BTRC: variants seen among roughly 807,000 people sequenced by gnomAD.
BTRC encodes beta-transducin repeat containing E3 ubiquitin protein ligase.
BTRC carries 42 observed loss-of-function variants against 85.5 expected under a neutral mutation model. The observed-to-expected ratio is 0.49, with a 90% CI of 0.38 to 0.64. BTRC has a LOEUF of 0.64. BTRC is among the 30% of genes least tolerant of loss of function. BTRC has a pLI of 0.00. For synonymous variants in BTRC, 255 were observed against 263.3 expected (o/e 0.97, Z 0.30); for missense variants, 594 against 743.5 (o/e 0.80, Z 2.34).
At chr10:101,426,415 T>C (rs1944253426) in intron 1 of BTRC, among the ~76,000 whole-genome samples, 1 of 152,360 alleles carries the variant, frequency 6.6e-6, no homozygotes, top group African/African-American at 2.4e-5. Flanking sequence ...GTGTGGTGTT[T>C]GCAAATTAAT....
In BTRC at chr10:101,521,051, T is replaced by G. The variant is rs376118354; in HGVS notation, c.325-588T>G. On this transcript the variant is annotated intron_variant, in intron 4 of 14. Coordinates refer to ENST00000370187, the MANE Select transcript of BTRC (RefSeq NM_033637.4). ...GGAAAGCCAAGGCAGGAAAATTGCT[T>G]GAAGCCAGGAGTTTGAGACCAGCCT... is the stretch of plus-strand genomic sequence containing the variant. Among the ~76,000 whole-genome samples, 12 of 152,128 alleles carry G rather than the reference T, an allele frequency of 7.9e-5. No homozygotes were observed. The East Asian group carries it at 2.3e-3, about 29-fold the overall frequency.
intron 4 of BTRC, among the ~76,000 whole-genome samples, chr10:101,491,654 G>A (rs929165325): frequency 2.6e-5 from 4 of 151,492 alleles, no homozygotes; most frequent in African/African-American, 7.3e-5. Context: ...CCAAGATCGC[G>A]CCTCTGCACT....
chr10:101,388,461 G>A (rs1253798675), intron 1 of BTRC, among the ~76,000 whole-genome samples: 2 of 151,838 alleles, frequency 1.3e-5, no homozygotes, highest in African/African-American at 4.8e-5. Flanking sequence ...GAAAGTGCTG[G>A]GATTACAGGC....
intron 1 of BTRC, among the ~76,000 whole-genome samples, chr10:101,359,387 GT>G (rs1942135741): frequency 6.6e-6 from 1 of 152,040 alleles, no homozygotes; most frequent in Non-Finnish European, 1.5e-5. Flanking sequence ...TCTTATAGGT[GT>G]TGGGGTATGA....
intron 1 of BTRC, among the ~76,000 whole-genome samples, chr10:101,398,325 T>G (rs935827098): frequency 3.4e-4 from 52 of 152,186 alleles, no homozygotes; most frequent in African/African-American, 1.2e-3. Context: ...TTTTGTTTTT[T>G]TGAGACGGAC....
chr10:101,389,614 T>G lies in BTRC; in HGVS notation c.48+35386T>G, dbSNP rs1210185723. On this transcript the variant is annotated intron_variant, in intron 1 of 14. Transcript: ENST00000370187. ...CACTGGCCTTTTGCCAAACACCTTT[T>G]TTTTTTTTTTTTTTTTTTTTTTTGA... 6.7e-5 allele frequency among the ~76,000 whole-genome samples: 5 copies of G among 74,754 alleles called. 1 individual carries two copies. The South Asian group carries it at 2.0e-3, about 30-fold the overall frequency. The allele number at this position is 74,754 out of a possible 152,430, so 49.0% of individuals were successfully genotyped here.
At chr10:101,422,243 G>T (rs1332929689) in intron 1 of BTRC, among the ~76,000 whole-genome samples, 1 of 152,154 alleles carries the variant, frequency 6.6e-6, no homozygotes, top group Admixed American at 6.5e-5. Context: ...ATTTTTTCAT[G>T]TGTCTGTTGG....
intron 14 of BTRC, among the ~76,000 whole-genome samples, chr10:101,551,418 A>G (rs1415609596): frequency 1.3e-5 from 2 of 152,130 alleles, no homozygotes; most frequent in Non-Finnish European, 2.9e-5. Context: ...CAACCCTCCA[A>G]AAAGAGGACC....
At chr10:101,501,533 G>A (rs1007149361) in intron 4 of BTRC, among the ~76,000 whole-genome samples, 1 of 152,148 alleles carries the variant, frequency 6.6e-6, no homozygotes, top group East Asian at 1.9e-4. Flanking sequence ...ACTTTTTGAT[G>A]AATGGTTTGT....
chr10:101,528,013 G>A (rs1219801936), intron 6 of BTRC, among the ~76,000 whole-genome samples: 2 of 152,076 alleles, frequency 1.3e-5, no homozygotes, highest in East Asian at 1.9e-4. Context: ...CCAGCCTTGG[G>A]GATACAGCAG....
At chr10:101,408,473 A>G (rs956666746) in intron 1 of BTRC, among the ~76,000 whole-genome samples, 2 of 151,664 alleles carry the variant, frequency 1.3e-5, no homozygotes, top group African/African-American at 4.9e-5. Flanking sequence ...TGCCTGGCTA[A>G]TTTTTGTATT....
chr10:101,392,241 C>T (rs1313400720), intron 1 of BTRC, among the ~76,000 whole-genome samples: 1 of 152,080 alleles, frequency 6.6e-6, no homozygotes, highest in African/African-American at 2.4e-5. Flanking sequence ...GCCTCCCAAA[C>T]TGCTGGGATT....
intron 4 of BTRC, among the ~76,000 whole-genome samples, chr10:101,508,652 C>T (rs1472803045): frequency 6.6e-6 from 1 of 152,124 alleles, no homozygotes; most frequent in African/African-American, 2.4e-5. Context: ...TGGTGGCTCA[C>T]GCCTGTAATC....
intron 8 of BTRC, among the ~76,000 whole-genome samples, 151 bp from the exon 9 acceptor site, chr10:101,532,783 TGTGTGTGCGCGTGTGCGC>T (rs967726002): frequency 2.4e-4 from 19 of 80,044 alleles, no homozygotes; most frequent in African/African-American, 1.7e-3. Flanking sequence ...TGTGTGTGTG[TGTGTGTGCGCGTGTGCGC>T]GCGCGCGCGC....
intron 13 of BTRC, among the ~76,000 whole-genome samples, chr10:101,543,464 GT>G (rs527259189): frequency 1.7e-3 from 216 of 130,510 alleles, no homozygotes; most frequent in African/African-American, 3.9e-3. Flanking sequence ...GTTTTTTTTT[GT>G]TTTTTTTTTT....
chr10:101,394,085 A>G (rs748748819), intron 1 of BTRC, among the ~76,000 whole-genome samples: 1 of 152,230 alleles, frequency 6.6e-6, no homozygotes, highest in African/African-American at 2.4e-5. Flanking sequence ...AGCTAAAAAG[A>G]GATATTTCCA....
chr10:101,506,696 A>G (rs776795880), intron 4 of BTRC, among the ~76,000 whole-genome samples: 1 of 152,334 alleles, frequency 6.6e-6, no homozygotes, highest in South Asian at 2.1e-4. Context: ...GACTATTTCA[A>G]TCTCAGTTGA....
intron 2 of BTRC, among the ~76,000 whole-genome samples, chr10:101,439,858 G>C (rs1240401695): frequency 6.6e-6 from 1 of 152,226 alleles, no homozygotes; most frequent in African/African-American, 2.4e-5. Context: ...AGTTGGGAAG[G>C]TGGTATTGGG....
chr10:101,373,699 C>T (rs1002373062), intron 1 of BTRC, among the ~76,000 whole-genome samples: 8 of 152,052 alleles, frequency 5.3e-5, no homozygotes, highest in African/African-American at 1.9e-4. Flanking sequence ...GGGCGGATCA[C>T]GAGGTCAGGA....
Sources: allele counts gnomAD v4.1 joint callset (sites outside exome capture counted in the v4.1 genomes callset), GRCh38; gene constraint gnomAD v4.1.1; transcripts MANE v1.5; gene names NCBI Gene and HGNC (gene_info 2026-07-23, HGNC 2026-07-21).